Variants in TRHDE observed in about 807,000 individuals in gnomAD.
TRHDE encodes thyrotropin releasing hormone degrading enzyme.
Under a neutral mutation model 125.7 loss-of-function variants are expected in TRHDE, and 72 were observed. The observed-to-expected ratio is 0.57, with a 90% CI of 0.47 to 0.70. TRHDE has a LOEUF of 0.70. Among genes scored for constraint, TRHDE ranks in the 30% least tolerant of loss-of-function variants. The probability of loss-of-function intolerance (pLI) is 0.00; values close to 1 mark genes in which losing one functional copy is unlikely to be tolerated. For synonymous variants in TRHDE, 509 were observed against 509.1 expected (o/e 1.00, Z 0.00); for missense variants, 1,110 against 1,327.1 (o/e 0.84, Z 2.54).
chr12:72,655,699 T>C (rs551818703), intron 17 of TRHDE, among the ~76,000 whole-genome samples: 1 of 152,324 alleles, frequency 6.6e-6, no homozygotes, highest in South Asian at 2.1e-4. Context: ...ATTATTTTCT[T>C]ATTATATCTT....
chr12:72,643,124 A>G (rs1874136523), intron 15 of TRHDE, among the ~76,000 whole-genome samples: 1 of 152,176 alleles, frequency 6.6e-6, no homozygotes, highest in Non-Finnish European at 1.5e-5. Flanking sequence ...CTGCATGGAT[A>G]AAAAACATGA....
chr12:72,156,469 C>T (rs1876514669), intron 2 of TRHDE, among the ~76,000 whole-genome samples: 1 of 152,160 alleles, frequency 6.6e-6, no homozygotes, highest in Non-Finnish European at 1.5e-5. Context: ...GCAGAAATCA[C>T]CCGTCTTCTG....
chr12:72,221,707 A>G (rs765440384), intron 2 of TRHDE, among the ~76,000 whole-genome samples: 1 of 152,132 alleles, frequency 6.6e-6, no homozygotes, highest in Non-Finnish European at 1.5e-5. Context: ...CATATATGAC[A>G]TTAGGATAAC....
chr12:72,514,786 C>T (rs917407354), intron 6 of TRHDE, among the ~76,000 whole-genome samples: 1 of 100,754 alleles, frequency 9.9e-6, no homozygotes, highest in African/African-American at 3.9e-5. Context: ...ATCCCTCCCC[C>T]CTCCCCCCAC....
intron 12 of TRHDE, among the ~76,000 whole-genome samples, chr12:72,594,646 G>A (rs1871848262): frequency 6.6e-6 from 1 of 151,460 alleles, no homozygotes; most frequent in African/African-American, 2.4e-5. Flanking sequence ...TATTTTATAA[G>A]GCAGTTTCAT....
intron 2 of TRHDE, among the ~76,000 whole-genome samples, chr12:72,161,811 C>T (rs1299448990): frequency 6.6e-6 from 1 of 152,150 alleles, no homozygotes; most frequent in African/African-American, 2.4e-5. Flanking sequence ...ACAAAGGAAT[C>T]CAGGAAAACT....
chr12:72,484,959 G>A (rs1430629772), intron 5 of TRHDE, among the ~76,000 whole-genome samples: 2 of 152,132 alleles, frequency 1.3e-5, no homozygotes, highest in East Asian at 1.9e-4. Context: ...ACATAGGGAA[G>A]GGAAGGAAAT....
At chr12:72,582,644 G>T in intron 12 of TRHDE, 1 of 980,266 alleles carries the variant, frequency 1.0e-6, no homozygotes, top group Non-Finnish European at 1.2e-6. Context: ...ATAGCTGGTT[G>T]TTTAAATGTG....
At chr12:72,534,609 A>G (rs1868751960) in intron 6 of TRHDE, among the ~76,000 whole-genome samples, 1 of 152,030 alleles carries the variant, frequency 6.6e-6, no homozygotes, top group African/African-American at 2.4e-5. Context: ...GAAGATAACA[A>G]TACCTACATA....
At chr12:72,406,218 C>T (rs1873260105) in intron 3 of TRHDE, among the ~76,000 whole-genome samples, 1 of 152,108 alleles carries the variant, frequency 6.6e-6, no homozygotes, top group Admixed American at 6.6e-5. Context: ...AGCAGGATTG[C>T]CTTCTCCAAA....
intron 3 of TRHDE, among the ~76,000 whole-genome samples, chr12:72,399,277 A>C (rs1872935837): frequency 6.6e-6 from 1 of 152,222 alleles, no homozygotes; most frequent in South Asian, 2.1e-4. Context: ...TAATGTTAGA[A>C]AAATCTTCAC....
chr12:72,299,947 A>G (rs1270634564), intron 2 of TRHDE, among the ~76,000 whole-genome samples: 1 of 152,166 alleles, frequency 6.6e-6, no homozygotes. Flanking sequence ...TGAGGGATGG[A>G]TAGACATCGT....
intron 3 of TRHDE, among the ~76,000 whole-genome samples, chr12:72,411,741 T>C (rs1194415496): frequency 5.9e-5 from 9 of 152,086 alleles, no homozygotes; most frequent in Admixed American, 5.2e-4. Flanking sequence ...TATCAAAACA[T>C]ATTTTAAAGT....
chr12:72,579,901 G>T (rs189944286), intron 12 of TRHDE, among the ~76,000 whole-genome samples: 94 of 152,152 alleles, frequency 6.2e-4, no homozygotes, highest in African/African-American at 2.1e-3. Context: ...ATATTTTAGA[G>T]ATTTTTTTTA....
chr12:72,124,542 G>C (rs1425098123), intron 2 of TRHDE, among the ~76,000 whole-genome samples: 1 of 152,138 alleles, frequency 6.6e-6, no homozygotes, highest in Admixed American at 6.6e-5. Context: ...GCCTCAGTGA[G>C]ATCTAAACGT....
At chr12:72,152,238 A>ATTGAT (rs1876386024) in intron 2 of TRHDE, among the ~76,000 whole-genome samples, 2 of 151,380 alleles carry the variant, frequency 1.3e-5, no homozygotes, top group African/African-American at 2.4e-5. Context: ...ATTTTTGTAC[A>ATTGAT]TTGATTTTGT....
intron 3 of TRHDE, among the ~76,000 whole-genome samples, chr12:72,466,815 A>G (rs997442996): frequency 5.3e-5 from 8 of 151,902 alleles, no homozygotes; most frequent in African/African-American, 1.9e-4. Context: ...ACCACACCAC[A>G]CCCACCCCAT....
chr12:72,377,918 G>A (rs1003735372), intron 2 of TRHDE, 77 bp from the exon 3 acceptor site: 1 of 1,040,670 alleles, frequency 9.6e-7, no homozygotes, highest in Non-Finnish European at 1.4e-6. Context: ...AGTGATTTGT[G>A]TAGATTCATA....
chr12:72,366,973 G>A (rs1160218860), intron 2 of TRHDE, among the ~76,000 whole-genome samples: 1 of 152,080 alleles, frequency 6.6e-6, no homozygotes, highest in Non-Finnish European at 1.5e-5. Flanking sequence ...TTCTTCGTGA[G>A]ATTCACCAAG....
Sources: allele counts gnomAD v4.1 joint callset (sites outside exome capture counted in the v4.1 genomes callset), GRCh38; gene constraint gnomAD v4.1.1; transcripts MANE v1.5; gene names NCBI Gene and HGNC (gene_info 2026-07-23, HGNC 2026-07-21).